The following PGAP4 variants were observed in gnomAD, a reference collection of about 807,000 sequenced individuals.
PGAP4 encodes GPI-N-acetylgalactosamine transferase PGAP4.
Under a neutral mutation model 28.2 loss-of-function variants are expected in PGAP4, and 12 were observed. The ratio of observed to expected loss-of-function variants is 0.42; its 90% CI spans 0.27 to 0.69. The LOEUF is 0.69. Among genes scored for constraint, PGAP4 ranks in the 30% least tolerant of loss-of-function variants. PGAP4 has a pLI of 0.22. For missense variants in PGAP4, 425 were observed against 513.5 expected, an observed-to-expected ratio of 0.83 and a Z score of 1.67; for synonymous variants, 205 against 211.8, an observed-to-expected ratio of 0.97 and a Z score of 0.28.
At chr9:101,513,695 T>C (rs893466274) in intron 2 of PGAP4, among the ~76,000 whole-genome samples, 7 of 151,920 alleles carry the variant, frequency 4.6e-5, no homozygotes, top group Admixed American at 3.3e-4. Context: ...GGTAGATAGA[T>C]AGACAGATAG....
intron 2 of PGAP4, among the ~76,000 whole-genome samples, chr9:101,512,358 T>C (rs1406849449): frequency 2.0e-5 from 3 of 152,180 alleles, no homozygotes; most frequent in Non-Finnish European, 4.4e-5. Flanking sequence ...CAACATGCTC[T>C]CTGCTTTAAC....
rs571661071 is a variant in PGAP4 at position 101,525,078 on chromosome 9, G to A, written c.-165+6270C>T. Among the ~76,000 whole-genome samples, 22 of 152,308 alleles carry A rather than the reference G, an allele frequency of 1.4e-4. No homozygotes were observed. In the South Asian group the frequency reaches 4.4e-3, roughly 30 times the overall value. On this transcript the variant is annotated intron_variant, in intron 2 of 3. Coordinates refer to the PGAP4 transcript ENST00000374851. ...GTGAATTGTGTACCAGTGAATATACGAGTGCATGTCTTTTTGGTAGAACAA... is the reference window on the plus strand; with the variant it reads ...GTGAATTGTGTACCAGTGAATATACAAGTGCATGTCTTTTTGGTAGAACAA...
chr9:101,501,929 C>A (rs16920437), intron 2 of PGAP4: 15,187 of 354,300 alleles, frequency 0.043, 432 homozygotes, highest in Admixed American at 0.086. Context: ...GAACCAGCGT[C>A]GCCACCAGGC....
intron 2 of PGAP4, among the ~76,000 whole-genome samples, chr9:101,528,786 A>G (rs188071419): frequency 6.7e-6 from 1 of 150,172 alleles, no homozygotes; most frequent in East Asian, 2.0e-4. Context: ...TAACATAGAC[A>G]CTTCTTAGTT....
chr9:101,506,403 C>T (rs1387042422), intron 2 of PGAP4, among the ~76,000 whole-genome samples: 1 of 152,064 alleles, frequency 6.6e-6, no homozygotes. Flanking sequence ...ATTTGCTTCT[C>T]AACCTATACA....
At chr9:101,508,977 A>G (rs1370929024) in intron 2 of PGAP4, among the ~76,000 whole-genome samples, 1 of 152,158 alleles carries the variant, frequency 6.6e-6, no homozygotes, top group Non-Finnish European at 1.5e-5. Flanking sequence ...TCTTGTGGCA[A>G]TTGCCGGATA....
At chr9:101,487,936 T>C (rs1826649042), upstream of PGAP4, among the ~76,000 whole-genome samples, 2 of 152,178 alleles carry the variant, frequency 1.3e-5, no homozygotes, top group African/African-American at 2.4e-5. Context: ...AGAGACCTTA[T>C]GACCCACAAA....
chr9:101,481,209 A>G (rs1227431079), intron 1 of PGAP4, among the ~76,000 whole-genome samples: 2 of 152,222 alleles, frequency 1.3e-5, no homozygotes, highest in Non-Finnish European at 2.9e-5. Context: ...CAAACAAAAA[A>G]AGATAAAAGA....
chr9:101,530,148 T>C (rs924830700), intron 2 of PGAP4, among the ~76,000 whole-genome samples: 3 of 152,224 alleles, frequency 2.0e-5, no homozygotes, highest in South Asian at 2.1e-4. Context: ...ATATCTTAAT[T>C]TTGTCCATTT....
intron 2 of PGAP4, among the ~76,000 whole-genome samples, chr9:101,508,771 T>C (rs1015339991): frequency 6.6e-6 from 1 of 152,168 alleles, no homozygotes; most frequent in Admixed American, 6.5e-5. Context: ...CTCACCATAA[T>C]GCAGAATCTA....
upstream of PGAP4, among the ~76,000 whole-genome samples, chr9:101,489,359 A>C (rs751906790): frequency 6.6e-6 from 1 of 152,190 alleles, no homozygotes; most frequent in Non-Finnish European, 1.5e-5. Context: ...ATAACACACT[A>C]CAACAGGATA....
At chr9:101,478,011 A>G in intron 1 of PGAP4, among the ~76,000 whole-genome samples, 1 of 152,196 alleles carries the variant, frequency 6.6e-6, no homozygotes, top group East Asian at 1.9e-4. Context: ...GATTCAGAGC[A>G]TGGGCCTGAG....
chr9:101,513,021 C>T (rs1276362003), intron 2 of PGAP4, among the ~76,000 whole-genome samples: 1 of 152,140 alleles, frequency 6.6e-6, no homozygotes, highest in Non-Finnish European at 1.5e-5. Context: ...TGTCATTGAA[C>T]AAGTAAATCC....
At chr9:101,533,182 T>A (rs914177421) in exon 1 of PGAP4, 1 of 152,196 alleles carries the variant, frequency 6.6e-6, no homozygotes, top group Admixed American at 6.5e-5. Flanking sequence ...CCCTGGACAA[T>A]TTCTTGTTCC....
chr9:101,513,263 A>C (rs1173577056), intron 2 of PGAP4, among the ~76,000 whole-genome samples: 1 of 152,162 alleles, frequency 6.6e-6, no homozygotes, highest in African/African-American at 2.4e-5. Context: ...GTGAGAGGAC[A>C]CTGGAAATGG....
At chr9:101,505,662 T>C (rs1452841358) in intron 2 of PGAP4, among the ~76,000 whole-genome samples, 1 of 152,102 alleles carries the variant, frequency 6.6e-6, no homozygotes, top group Admixed American at 6.6e-5. Context: ...GGACAAAAAA[T>C]GAGGGCTAGA....
At chr9:101,508,819 C>T (rs1291976807) in intron 2 of PGAP4, among the ~76,000 whole-genome samples, 4 of 152,048 alleles carry the variant, frequency 2.6e-5, no homozygotes, top group South Asian at 2.1e-4. Flanking sequence ...ATTAGATGGC[C>T]CTATCTGAGG....
intron 1 of PGAP4, among the ~76,000 whole-genome samples, chr9:101,478,196 A>G (rs904530176): frequency 1.2e-4 from 18 of 152,248 alleles, no homozygotes; most frequent in Admixed American, 3.3e-4. Flanking sequence ...AAATGCCATT[A>G]AAATCTATCC....
chr9:101,508,133 T>G (rs1436529728), intron 2 of PGAP4, among the ~76,000 whole-genome samples: 1 of 151,348 alleles, frequency 6.6e-6, no homozygotes, highest in Non-Finnish European at 1.5e-5. Flanking sequence ...AGTGTTTTTT[T>G]TTTTTTTTTT....
Sources: gnomAD v4.1 joint callset for allele counts (sites outside exome capture counted in the v4.1 genomes callset) on GRCh38, gnomAD v4.1.1 for gene constraint, MANE v1.5 for transcripts, NCBI Gene and HGNC (gene_info 2026-07-23, HGNC 2026-07-21) for gene names.